The following TAOK1 variants were observed in gnomAD, a reference collection of about 807,000 sequenced individuals.
TAOK1 encodes TAO kinase 1.
In TAOK1, 21 loss-of-function variants were observed where a neutral mutation model predicts 138.3. The observed-to-expected ratio is 0.15, with a 90% CI of 0.11 to 0.22. The LOEUF (loss-of-function observed/expected upper bound fraction) is 0.22. Ranked by LOEUF, TAOK1 falls within the 10% of genes least tolerant of loss-of-function variation. TAOK1 has a pLI of 1.00. For missense variants in TAOK1, 651 were observed against 1,227.7 expected, an observed-to-expected ratio of 0.53 and a Z score of 7.02; for synonymous variants, 361 against 398.4, an observed-to-expected ratio of 0.91 and a Z score of 1.12.
At chr17:29,432,810 G>GCACAA (rs770938999) in intron 1 of TAOK1, among the ~76,000 whole-genome samples, 58 of 151,438 alleles carry the variant, frequency 3.8e-4, no homozygotes, top group Middle Eastern at 3.4e-3. Flanking sequence ...ACAGAGTTGT[G>GCACAA]CTCTGTCTCT....
chr17:29,476,976 G>A (rs1447189014), intron 4 of TAOK1, among the ~76,000 whole-genome samples: 1 of 151,898 alleles, frequency 6.6e-6, no homozygotes, highest in Non-Finnish European at 1.5e-5. Flanking sequence ...TTCCCGAGTA[G>A]CTGGGACTGC....
In TAOK1 at chr17:29,494,487, A is replaced by C. The variant is rs144661708; in HGVS notation, c.832-1073A>C. 5.8e-3 allele frequency among the ~76,000 whole-genome samples: 878 copies of C among 152,120 alleles called. 6 individuals carry two copies. Among genetic ancestry groups the C allele is most frequent in the African/African-American group, 0.018 (767 of 41,518 alleles). ...TTCATAGTTACAACTCTTTGCATAA[A>C]AAAGAAATAAATTTGAGCTAACAAA... On this transcript the variant is annotated intron_variant, in intron 10 of 19. Coordinates refer to ENST00000261716, the MANE Select transcript of TAOK1 (RefSeq NM_020791.4).
In TAOK1 at chr17:29,530,629, C is replaced by CT. The variant is rs763585619; in HGVS notation, c.2361+17dup. On this transcript the variant is annotated intron_variant, in intron 18 of 19. Coordinates refer to ENST00000261716, the MANE Select transcript of TAOK1 (RefSeq NM_020791.4). ...GCTCTCCACACAAGCCGTGAGTTTGCTTTTTTTGGGGCAAAACAAATTTAG... is the reference window on the plus strand; with the variant it reads ...GCTCTCCACACAAGCCGTGAGTTTGCTTTTTTTTGGGGCAAAACAAATTTAG... The CT allele has an allele frequency of 7.4e-6, 12 of 1,612,840 alleles. No homozygotes were observed. Among genetic ancestry groups the CT allele is most frequent in the Non-Finnish European group, 8.5e-6 (10 of 1,179,314 alleles).
At chr17:29,447,955 CT>C (rs56163080) in intron 1 of TAOK1, among the ~76,000 whole-genome samples, 51,616 of 93,324 alleles carry the variant, frequency 0.55, 12,989 homozygotes, top group East Asian at 0.9. Flanking sequence ...TGCACCTGGT[CT>C]TTTTTTTTTT....
At chr17:29,450,843 T>A (rs1274424437) in intron 1 of TAOK1, among the ~76,000 whole-genome samples, 3 of 152,144 alleles carry the variant, frequency 2.0e-5, no homozygotes, top group Non-Finnish European at 2.9e-5. Flanking sequence ...AACTGGGTAA[T>A]CTGATATAAA....
chr17:29,477,758 AT>A, intron 5 of TAOK1, 52 bp downstream of exon 5: 1 of 1,138,656 alleles, frequency 8.8e-7, no homozygotes, highest in Non-Finnish European at 1.2e-6. Flanking sequence ...TAAAATGATA[AT>A]TTAGACATTA....
intron 13 of TAOK1, 88 bp downstream of exon 13, chr17:29,502,811 T>A (rs993033485): frequency 7.0e-7 from 1 of 1,418,856 alleles, no homozygotes; most frequent in African/African-American, 1.4e-5. Flanking sequence ...TATTGTTTTG[T>A]ATTTGGGTTT....
intron 14 of TAOK1, among the ~76,000 whole-genome samples, chr17:29,509,417 G>A (rs1463592209): frequency 1.3e-5 from 2 of 151,950 alleles, no homozygotes; most frequent in Admixed American, 6.6e-5. Context: ...AATCAGGCTG[G>A]TCTCAAATCC....
intron 9 of TAOK1, among the ~76,000 whole-genome samples, chr17:29,490,875 C>A (rs2031283705): frequency 6.6e-6 from 1 of 152,180 alleles, no homozygotes; most frequent in Non-Finnish European, 1.5e-5. Flanking sequence ...ATTGTGTCCT[C>A]ACATGGCAGA....
At chr17:29,414,866 T>C (rs1905231528) in intron 1 of TAOK1, among the ~76,000 whole-genome samples, 2 of 152,058 alleles carry the variant, frequency 1.3e-5, no homozygotes, top group African/African-American at 2.4e-5. Context: ...GCCTACTTTA[T>C]TTTTGTTTAT....
At chr17:29,496,616 C>G (rs553576036) in intron 11 of TAOK1, among the ~76,000 whole-genome samples, 2 of 102,566 alleles carry the variant, frequency 1.9e-5, no homozygotes, top group African/African-American at 3.9e-5. Context: ...AAGACAGGGT[C>G]TTGCTCTGTA....
At chr17:29,519,804 A>C (rs1186219743) in intron 16 of TAOK1, among the ~76,000 whole-genome samples, 3 of 152,224 alleles carry the variant, frequency 2.0e-5, no homozygotes, top group Non-Finnish European at 4.4e-5. Flanking sequence ...TTAAAATTTA[A>C]TACGCACATA....
At chr17:29,534,949 G>C (rs1209454520) in intron 19 of TAOK1, among the ~76,000 whole-genome samples, 2 of 151,960 alleles carry the variant, frequency 1.3e-5, no homozygotes, top group Non-Finnish European at 2.9e-5. Context: ...GTGTGTGTGT[G>C]TGTGTGTGTG....
chr17:29,396,691 T>C (rs1040984557), intron 1 of TAOK1, among the ~76,000 whole-genome samples: 1 of 152,136 alleles, frequency 6.6e-6, no homozygotes, highest in East Asian at 1.9e-4. Flanking sequence ...AATAATAAAA[T>C]TGGCACTTAC....
chr17:29,479,269 G>A (rs190595678), intron 6 of TAOK1, among the ~76,000 whole-genome samples: 1 of 152,184 alleles, frequency 6.6e-6, no homozygotes, highest in East Asian at 1.9e-4. Context: ...TTTTGGCACT[G>A]GTATTGGTTC....
intron 2 of TAOK1, among the ~76,000 whole-genome samples, chr17:29,457,906 C>T (rs143457775): frequency 3.1e-4 from 47 of 152,008 alleles, no homozygotes; most frequent in African/African-American, 1.0e-3. Context: ...GTCAGGAGAT[C>T]GAGACCATCC....
chr17:29,513,960 A>T (rs1255457285), intron 15 of TAOK1: 1 of 151,924 alleles, frequency 6.6e-6, no homozygotes, highest in South Asian at 2.1e-4. Context: ...TAAATTAAAA[A>T]AAATAAAAAA....
chr17:29,421,579 T>C (rs1466789799), intron 1 of TAOK1, among the ~76,000 whole-genome samples: 2 of 152,188 alleles, frequency 1.3e-5, no homozygotes, highest in Non-Finnish European at 2.9e-5. Context: ...TTATGAATTA[T>C]ATTACTTTAG....
At chr17:29,492,392 A>G (rs1192383860) in intron 10 of TAOK1, among the ~76,000 whole-genome samples, 2 of 152,228 alleles carry the variant, frequency 1.3e-5, no homozygotes, top group South Asian at 2.1e-4. Flanking sequence ...TCTAAATAGA[A>G]TATGTAGTTA....
Sources: allele counts gnomAD v4.1 joint callset (sites outside exome capture counted in the v4.1 genomes callset), GRCh38; gene constraint gnomAD v4.1.1; transcripts MANE v1.5; gene names NCBI Gene and HGNC (gene_info 2026-07-23, HGNC 2026-07-21).